The following PHLDB2 variants were observed in gnomAD, a reference collection of about 807,000 sequenced individuals.
PHLDB2 encodes the protein pleckstrin homology like domain family B member 2, also known as pleckstrin homology-like domain family B member 2.
A neutral mutation model predicts 123.6 loss-of-function variants in PHLDB2; 71 were observed. The ratio of observed to expected loss-of-function variants is 0.57; its 90% CI spans 0.47 to 0.70. The LOEUF (loss-of-function observed/expected upper bound fraction) is 0.70, where lower values mean the gene tolerates loss of function less well. Among genes scored for constraint, PHLDB2 ranks in the 30% least tolerant of loss-of-function variants. PHLDB2 has a pLI of 0.00. For synonymous variants in PHLDB2, 547 were observed against 541.6 expected (o/e 1.01, Z -0.14); for missense variants, 1,446 against 1,519.5 (o/e 0.95, Z 0.80).
rs551784260 is a variant in PHLDB2 at position 111,840,259 on chromosome 3, T to A, written c.-48-5562T>A. ...AGTGAGACCCTGTCTCCAAAAAAAA[T>A]TTGTTTAATAAAATAAAATTAAAAG... is the stretch of plus-strand genomic sequence containing the variant. On this transcript the variant is annotated intron_variant, in intron 1 of 17. Coordinates refer to the PHLDB2 transcript ENST00000393923. 2.3e-3 allele frequency among the ~76,000 whole-genome samples: 355 copies of A among 151,950 alleles called. 1 individual carries two copies. Among genetic ancestry groups the A allele is most frequent in the African/African-American group, 7.1e-3 (293 of 41,418 alleles).
intron 12 of PHLDB2, among the ~76,000 whole-genome samples, chr3:111,955,833 A>C (rs1218920235): frequency 6.6e-6 from 1 of 152,230 alleles, no homozygotes; most frequent in Non-Finnish European, 1.5e-5. Context: ...ATTTTCATGT[A>C]CTTCAGGTGT....
At chr3:111,862,469 G>C (rs1351790424) in intron 1 of PHLDB2, among the ~76,000 whole-genome samples, 1 of 152,198 alleles carries the variant, frequency 6.6e-6, no homozygotes, top group South Asian at 2.1e-4. Context: ...ATTTTTGGTT[G>C]TAGCAACTGA....
intron 2 of PHLDB2, among the ~76,000 whole-genome samples, chr3:111,898,181 TTTG>T (rs2066984154): frequency 7.7e-6 from 1 of 129,690 alleles, no homozygotes; most frequent in African/African-American, 2.8e-5. Flanking sequence ...TGTGTGTGTG[TTTG>T]TGTGTGTGTG....
At chr3:111,818,757 T>TA (rs1389274807) in intron 1 of PHLDB2, among the ~76,000 whole-genome samples, 1 of 152,170 alleles carries the variant, frequency 6.6e-6, no homozygotes, top group Non-Finnish European at 1.5e-5. Flanking sequence ...TGCTGAATTC[T>TA]AAAAAAATTC....
chr3:111,814,942 G>A (rs2062005878), intron 1 of PHLDB2, among the ~76,000 whole-genome samples: 2 of 152,206 alleles, frequency 1.3e-5, no homozygotes, highest in African/African-American at 4.8e-5. Flanking sequence ...TAGTGTGGGA[G>A]GAACCTGGTG....
intron 1 of PHLDB2, among the ~76,000 whole-genome samples, chr3:111,845,354 C>CAAAAAAAAAAAA (rs745585464): frequency 5.1e-5 from 2 of 39,160 alleles, no homozygotes; most frequent in Non-Finnish European, 8.0e-5. Context: ...GACTCTGTCT[C>CAAAAAAAAAAAA]AAAAAAAAAA....
At chr3:111,935,677 G>A (rs1023340159) in intron 6 of PHLDB2, among the ~76,000 whole-genome samples, 2 of 152,158 alleles carry the variant, frequency 1.3e-5, no homozygotes, top group Admixed American at 1.3e-4. Flanking sequence ...AGGGCAGGAA[G>A]CATCTAGCAC....
intron 1 of PHLDB2, among the ~76,000 whole-genome samples, chr3:111,744,450 A>G (rs1221145580): frequency 6.6e-6 from 1 of 152,228 alleles, no homozygotes; most frequent in African/African-American, 2.4e-5. Flanking sequence ...ACTTATTTTT[A>G]GAAAACAATA....
At chr3:111,919,555 A>C (rs1255932373) in intron 4 of PHLDB2, among the ~76,000 whole-genome samples, 2 of 152,214 alleles carry the variant, frequency 1.3e-5, no homozygotes, top group Admixed American at 6.5e-5. Flanking sequence ...GGTCAAATCC[A>C]GCAAATGTTT....
At chr3:111,941,806 C>CA (rs2069904778) in intron 8 of PHLDB2, among the ~76,000 whole-genome samples, 1 of 79,782 alleles carries the variant, frequency 1.3e-5, no homozygotes, top group African/African-American at 3.9e-5. Flanking sequence ...GACCCTGTCT[C>CA]AAAAAAACAA....
chr3:111,753,688 C>CA (rs1370031775), intron 1 of PHLDB2, among the ~76,000 whole-genome samples: 2 of 152,080 alleles, frequency 1.3e-5, no homozygotes, highest in African/African-American at 4.8e-5. Context: ...CTTTTGTTGC[C>CA]ATTGCTTTTG....
At chr3:111,838,943 T>C (rs889191574) in intron 1 of PHLDB2, among the ~76,000 whole-genome samples, 2 of 152,174 alleles carry the variant, frequency 1.3e-5, no homozygotes, top group Non-Finnish European at 2.9e-5. Flanking sequence ...AGAATGAATA[T>C]TCATCATTTA....
At chr3:111,886,601 C>T (rs952218673) in intron 2 of PHLDB2, among the ~76,000 whole-genome samples, 9 of 152,188 alleles carry the variant, frequency 5.9e-5, no homozygotes, top group African/African-American at 1.9e-4. Context: ...GAAGGAAATA[C>T]GTTTGACATT....
At chr3:111,805,452 T>G (rs1358588336) in intron 1 of PHLDB2, among the ~76,000 whole-genome samples, 2 of 150,708 alleles carry the variant, frequency 1.3e-5, no homozygotes, top group African/African-American at 4.9e-5. Flanking sequence ...TCCCAGCTAC[T>G]CGGGAGGCTG....
intron 12 of PHLDB2, among the ~76,000 whole-genome samples, chr3:111,954,859 C>T (rs2070943053): frequency 6.6e-6 from 1 of 152,018 alleles, no homozygotes; most frequent in African/African-American, 2.4e-5. Context: ...TGGCGGTATG[C>T]CCAGGATATA....
intron 1 of PHLDB2, among the ~76,000 whole-genome samples, chr3:111,767,433 A>G (rs1158243607): frequency 2.0e-5 from 3 of 152,222 alleles, no homozygotes; most frequent in African/African-American, 7.2e-5. Context: ...AGTGAATCAA[A>G]TATCTGATGA....
At chr3:111,843,333 A>G (rs1266975775) in intron 1 of PHLDB2, among the ~76,000 whole-genome samples, 2 of 152,256 alleles carry the variant, frequency 1.3e-5, no homozygotes, top group Non-Finnish European at 2.9e-5. Context: ...GCCTTTCCCA[A>G]ATGGCTAAAG....
In PHLDB2 at chr3:111,962,295, A is replaced by G. The variant is rs1365201819; in HGVS notation, c.3060A>G (p.Ser1020=). ...TGGAGACCAGCATCTCTGCTTGCTC[A>G]CCAGACAACATCTCTAGGTAAGATT... is the stretch of plus-strand genomic sequence containing the variant. The part of the protein sequence containing the change: ...DSMETSISAC[S]PDNISSASTS... Residue 1020 remains serine, a synonymous_variant, in exon 13 of 18, where the codon TCA becomes TCG. Coordinates refer to ENST00000431670, the MANE Select transcript of PHLDB2 (RefSeq NM_001134438.2). 1.3e-6 allele frequency: 2 copies of G among 1,588,718 alleles called. No homozygotes were observed. The highest frequency in any genetic ancestry group is 8.5e-7 in the Non-Finnish European group (1 of 1,173,660).
intron 1 of PHLDB2, among the ~76,000 whole-genome samples, chr3:111,795,915 T>G (rs2061137419): frequency 6.6e-6 from 1 of 151,942 alleles, no homozygotes; most frequent in South Asian, 2.1e-4. Flanking sequence ...TTTGTTTATT[T>G]GTTTTGAGTC....
Sources: allele counts gnomAD v4.1 joint callset (sites outside exome capture counted in the v4.1 genomes callset), GRCh38; gene constraint gnomAD v4.1.1; transcripts MANE v1.5; gene names NCBI Gene and HGNC (gene_info 2026-07-23, HGNC 2026-07-21).